The following NODAL variants were observed in gnomAD, a reference collection of about 807,000 sequenced individuals.
The protein encoded by NODAL is nodal growth differentiation factor.
A neutral mutation model predicts 34.0 loss-of-function variants in NODAL; 12 were observed. The observed-to-expected ratio is 0.35, with a 90% CI of 0.23 to 0.57. NODAL has a LOEUF of 0.57. NODAL is among the 20% of genes least tolerant of loss of function. NODAL has a pLI of 0.83. For synonymous variants in NODAL, 162 were observed against 186.4 expected (o/e 0.87, Z 1.07); for missense variants, 390 against 444.2 (o/e 0.88, Z 1.10).
At chr10:70,446,078 A>G (rs1845484673), upstream of NODAL, among the ~76,000 whole-genome samples, 1 of 152,174 alleles carries the variant, frequency 6.6e-6, no homozygotes, top group African/African-American at 2.4e-5. Context: ...TTTTAAAGAC[A>G]TTAGTTAGTC....
At chr10:70,440,254 C>T (rs1845410749) in intron 1 of NODAL, among the ~76,000 whole-genome samples, 1 of 152,186 alleles carries the variant, frequency 6.6e-6, no homozygotes, top group Non-Finnish European at 1.5e-5. Context: ...CTCGAACTTT[C>T]CAGAAGGGAG....
At chr10:70,443,998 C>A (rs1845461592), upstream of NODAL, among the ~76,000 whole-genome samples, 2 of 147,924 alleles carry the variant, frequency 1.4e-5, no homozygotes, top group South Asian at 4.4e-4. Context: ...AATGGCACGA[C>A]CTTGGCTCAC....
At chr10:70,434,064 C>G (rs895425332) in intron 2 of NODAL, among the ~76,000 whole-genome samples, 2 of 152,140 alleles carry the variant, frequency 1.3e-5, no homozygotes, top group African/African-American at 4.8e-5. Context: ...GACCTCAGCC[C>G]ATGTGCTCAT....
chr10:70,439,799 G>T (rs1300730302), intron 1 of NODAL, among the ~76,000 whole-genome samples: 3 of 152,218 alleles, frequency 2.0e-5, no homozygotes, highest in Admixed American at 6.5e-5. Context: ...TGTTTAGGCC[G>T]GTCACAGTGG....
At position 70,436,280 on chromosome 10, in the gene NODAL, T is replaced by A. The variant is rs901515907; in HGVS notation, c.194-297A>T. On this transcript the variant is annotated intron_variant, in intron 1 of 2. Coordinates refer to ENST00000287139, the MANE Select transcript of NODAL (RefSeq NM_018055.5). The stretch of plus-strand genomic sequence containing the variant: ...AGCCCAGACTCCGAATTACTGTTCT[T>A]CCAGTCCCCCTTCCAAGATAACTTG... The A allele has an allele frequency of 2.2e-5, 10 of 451,060 alleles. No homozygotes were observed. The East Asian group carries it at 4.6e-4, about 21-fold the overall frequency. The allele number at this position is 451,060 out of a possible 1,614,324, so 27.9% of individuals were successfully genotyped here.
rs1412432321 is a variant in NODAL at position 70,432,505 on chromosome 10, C to G, written c.*431G>C. 11 of 273,936 alleles carry G rather than the reference C, an allele frequency of 4.0e-5. No homozygotes were observed. The highest frequency in any genetic ancestry group is 7.1e-5 in the Non-Finnish European group (10 of 139,940). 17.0% of individuals were successfully genotyped at this position (273,936 alleles called of 1,614,324 possible). On this transcript the variant is annotated 3_prime_UTR_variant, in exon 3 of 3. Coordinates refer to ENST00000287139, the MANE Select transcript of NODAL (RefSeq NM_018055.5). ...GATCCTTAATCTTTGGGGAGGGGGA[C>G]AGGTCACACACAGACTACTTTGGAG...
At chr10:70,440,549 G>GC (rs1396896797) in intron 1 of NODAL, among the ~76,000 whole-genome samples, 7 of 152,236 alleles carry the variant, frequency 4.6e-5, no homozygotes, top group African/African-American at 1.4e-4. Context: ...GGGCCGTCTG[G>GC]CCCCCGCAGG....
intron 1 of NODAL, among the ~76,000 whole-genome samples, chr10:70,438,209 G>A (rs1010169513): frequency 1.5e-4 from 23 of 152,190 alleles, no homozygotes; most frequent in African/African-American, 5.1e-4. Context: ...CAGGAGAATC[G>A]CTTGAACCCA....
chr10:70,435,102 G>A (rs1480051324), intron 2 of NODAL, 184 bp downstream of exon 2: 1 of 619,160 alleles, frequency 1.6e-6, no homozygotes, highest in Non-Finnish European at 2.9e-6. Flanking sequence ...ACCCCATACA[G>A]GCTCTATAAG....
At chr10:70,445,021 G>A (rs533406146), upstream of NODAL, among the ~76,000 whole-genome samples, 2 of 152,188 alleles carry the variant, frequency 1.3e-5, no homozygotes, top group South Asian at 4.2e-4. Context: ...TTCCAAGGAT[G>A]GCAGCACAGG....
intron 1 of NODAL, among the ~76,000 whole-genome samples, 155 bp downstream of exon 1, chr10:70,441,320 G>T (rs952130428): frequency 6.6e-6 from 1 of 152,248 alleles, no homozygotes; most frequent in Admixed American, 6.5e-5. Flanking sequence ...GGAGACACCC[G>T]CAGAGCTAGG....
At chr10:70,441,785 CCGGAGGGT>C (rs1465870863), upstream of NODAL, 5 of 1,101,192 alleles carry the variant, frequency 4.5e-6, no homozygotes, top group Non-Finnish European at 6.6e-6. Context: ...TAACCCCCCT[CCGGAGGGT>C]GGGGGGCAGA....
rs769824580 is a variant in NODAL, at chr10:70,433,026, G to C, written c.954C>G (p.Thr318=). ...CCACATACAGCATGCTCAGCGGCTT[G>C]GTCTTCACTGGGGCACAACAAGTGG... ...VPSTCCAPVK[T]KPLSMLYVDN... is the part of the protein sequence containing the mutation. Residue 318 remains threonine (T), a synonymous_variant, in exon 3 of 3, where the codon ACC becomes ACG. Transcript: ENST00000287139. 3.1e-6 allele frequency: 5 copies of C among 1,613,836 alleles called. No individual in the cohort carries two copies. Among genetic ancestry groups the C allele is most frequent in the Non-Finnish European group, 4.2e-6 (5 of 1,180,024 alleles).
At chr10:70,440,417 G>A (rs1845412565) in intron 1 of NODAL, among the ~76,000 whole-genome samples, 1 of 152,204 alleles carries the variant, frequency 6.6e-6, no homozygotes, top group Non-Finnish European at 1.5e-5. Flanking sequence ...TTCCGGAGAG[G>A]GTCACCGGCT....
At chr10:70,437,165 G>A (rs1219871735) in intron 1 of NODAL, among the ~76,000 whole-genome samples, 4 of 152,200 alleles carry the variant, frequency 2.6e-5, no homozygotes, top group South Asian at 2.1e-4. Context: ...TAGTGATGCC[G>A]GGCGCGGTGG....
chr10:70,433,210 A>G (rs1049473504), intron 2 of NODAL, 122 bp from the exon 3 acceptor site: 1 of 1,078,002 alleles, frequency 9.3e-7, no homozygotes, highest in Non-Finnish European at 1.4e-6. Context: ...AAAATAGCAG[A>G]AAATTATTTT....
chr10:70,435,628 C>G lies in NODAL; in HGVS notation c.549G>C (p.Arg183=), dbSNP rs1589152391. The change falls in exon 2 of 3, where the codon CGG becomes CGC. Residue 183 remains arginine, a synonymous_variant. Coordinates refer to ENST00000287139, the MANE Select transcript of NODAL (RefSeq NM_018055.5). ...CATTGGTGGCAGGCGGTGTGGGGGGCCGCGGCCAGCACTCTCCAGCTACCC... is the reference window on the plus strand; with the variant it reads ...CATTGGTGGCAGGCGGTGTGGGGGGGCGCGGCCAGCACTCTCCAGCTACCC... ...MSRVAGECWP[R]PPTPPATNVL... The G allele has an allele frequency of 6.2e-7, 1 of 1,613,928 alleles. No homozygotes were observed. Among genetic ancestry groups the G allele is most frequent in the Non-Finnish European group, 8.5e-7 (1 of 1,179,924 alleles).
upstream of NODAL, among the ~76,000 whole-genome samples, chr10:70,444,133 A>G (rs1845462891): frequency 6.6e-6 from 1 of 151,780 alleles, no homozygotes; most frequent in Non-Finnish European, 1.5e-5. Context: ...GGGTTTTGCT[A>G]TGCTGCCCAG....
At chr10:70,440,038 C>T (rs1024701104) in intron 1 of NODAL, among the ~76,000 whole-genome samples, 1 of 152,238 alleles carries the variant, frequency 6.6e-6, no homozygotes, top group Non-Finnish European at 1.5e-5. Flanking sequence ...TGTCACTGCA[C>T]TCCAGCCTGG....
Sources: gnomAD v4.1 joint callset for allele counts (sites outside exome capture counted in the v4.1 genomes callset) on GRCh38, gnomAD v4.1.1 for gene constraint, MANE v1.5 for transcripts, NCBI Gene and HGNC (gene_info 2026-07-23, HGNC 2026-07-21) for gene names.